Variants in STAG1 observed in about 807,000 individuals in gnomAD.
STAG1 encodes cohesin subunit SA-1.
In STAG1, 26 loss-of-function variants were observed where a neutral mutation model predicts 170.9. That is an observed-to-expected ratio of 0.15 (90% CI 0.11 to 0.21). STAG1 has a LOEUF of 0.21. STAG1 is among the 10% of genes least tolerant of loss of function. The pLI, the probability that STAG1 is intolerant of heterozygous loss-of-function variation, is 1.00. For synonymous variants in STAG1, 514 were observed against 497.7 expected (o/e 1.03, Z -0.44); for missense variants, 964 against 1,509.5 (o/e 0.64, Z 5.99).
At chr3:136,596,890 T>C (rs1938450734) in intron 4 of STAG1, among the ~76,000 whole-genome samples, 1 of 152,086 alleles carries the variant, frequency 6.6e-6, no homozygotes, top group African/African-American at 2.4e-5. Flanking sequence ...TTGGCCAACA[T>C]AGGGAAACCT....
chr3:136,747,092 C>CCAAAA (rs1934972144), intron 1 of STAG1, among the ~76,000 whole-genome samples: 2 of 28,854 alleles, frequency 6.9e-5, no homozygotes, highest in African/African-American at 3.9e-4. Flanking sequence ...GTGAAACTGT[C>CCAAAA]TAAAAAAAAA....
chr3:136,498,284 TACACACACAC>T (rs71157390), intron 9 of STAG1, among the ~76,000 whole-genome samples: 6 of 87,074 alleles, frequency 6.9e-5, no homozygotes, highest in African/African-American at 2.7e-4. Flanking sequence ...CACACACACA[TACACACACAC>T]ACACACACAC....
intron 9 of STAG1, among the ~76,000 whole-genome samples, chr3:136,478,383 T>C (rs1023835590): frequency 6.6e-6 from 1 of 152,196 alleles, no homozygotes; most frequent in Non-Finnish European, 1.5e-5. Context: ...TCTCTGTGAA[T>C]TGTAAACAAA....
chr3:136,704,529 T>C (rs898441576), intron 1 of STAG1, among the ~76,000 whole-genome samples: 5 of 151,966 alleles, frequency 3.3e-5, no homozygotes, highest in South Asian at 2.1e-4. Flanking sequence ...CAAAAGTTGT[T>C]ACAAAAGACA....
At chr3:136,650,468 G>A (rs1426552056) in intron 1 of STAG1, among the ~76,000 whole-genome samples, 5 of 152,058 alleles carry the variant, frequency 3.3e-5, no homozygotes, top group South Asian at 2.1e-4. Context: ...TATTACATAT[G>A]CAATAAAAAC....
At chr3:136,666,106 A>AG (rs1941759043) in intron 1 of STAG1, among the ~76,000 whole-genome samples, 2 of 139,272 alleles carry the variant, frequency 1.4e-5, no homozygotes, top group African/African-American at 2.7e-5. Flanking sequence ...AAAAAAAAAA[A>AG]AAAAAGAAAG....
intron 23 of STAG1, 127 bp downstream of exon 23, chr3:136,377,533 T>G: frequency 1.5e-6 from 1 of 675,822 alleles, no homozygotes; most frequent in Non-Finnish European, 2.5e-6. Context: ...TACAGTCTTG[T>G]TCCAGGTCCA....
chr3:136,372,180 A>T (rs965503505), intron 23 of STAG1, among the ~76,000 whole-genome samples: 1 of 152,200 alleles, frequency 6.6e-6, no homozygotes, highest in Middle Eastern at 3.2e-3. Context: ...AATGCTTGTG[A>T]TGTTTGCACA....
intron 1 of STAG1, among the ~76,000 whole-genome samples, chr3:136,734,855 C>A (rs965629847): frequency 1.3e-5 from 2 of 152,116 alleles, no homozygotes; most frequent in Non-Finnish European, 1.5e-5. Context: ...GGATATCCTG[C>A]CATTCGTGAC....
intron 9 of STAG1, among the ~76,000 whole-genome samples, chr3:136,484,317 G>T (rs1432775708): frequency 2.0e-5 from 3 of 150,898 alleles, no homozygotes; most frequent in Non-Finnish European, 3.0e-5. Context: ...TCAGCTGCAG[G>T]TCTGTTGGAA....
intron 4 of STAG1, among the ~76,000 whole-genome samples, chr3:136,598,513 A>G (rs1427932436): frequency 3.4e-5 from 5 of 147,184 alleles, no homozygotes; most frequent in African/African-American, 7.6e-5. Context: ...TGCAAGCTCC[A>G]CCTCCCGGGT....
In STAG1 at chr3:136,433,444, T is replaced by A. The variant is rs1035305296; in HGVS notation, c.1650+112A>T. 5 of 766,002 alleles carry A rather than the reference T, an allele frequency of 6.5e-6. No individual in the cohort carries two copies. In the African/African-American group the frequency reaches 9.0e-5, roughly 14 times the overall value. 47.5% of individuals were successfully genotyped at this position (766,002 alleles called of 1,614,324 possible). ...AGATGAAGCACCATAGTCCATCATT[T>A]ATAAAAACACCATGTTTTTAGGGAT... On this transcript the variant is annotated intron_variant, in intron 16 of 33. Transcript: ENST00000383202.
At chr3:136,486,510 T>G (rs2090015629) in intron 9 of STAG1, among the ~76,000 whole-genome samples, 2 of 152,218 alleles carry the variant, frequency 1.3e-5, no homozygotes, top group South Asian at 4.1e-4. Flanking sequence ...CTTTCAGTCC[T>G]ACCAAGTAGT....
intron 1 of STAG1, among the ~76,000 whole-genome samples, chr3:136,726,815 C>CT (rs1182491655): frequency 6.6e-6 from 1 of 152,194 alleles, no homozygotes; most frequent in East Asian, 1.9e-4. Context: ...CTAACTATCC[C>CT]AAATACACCC....
intron 23 of STAG1, among the ~76,000 whole-genome samples, chr3:136,371,383 G>T (rs1208499787): frequency 2.0e-5 from 3 of 152,022 alleles, no homozygotes; most frequent in East Asian, 1.9e-4. Context: ...GTCAATTTTG[G>T]CTTTTGTTGC....
intron 32 of STAG1, among the ~76,000 whole-genome samples, chr3:136,340,250 G>C (rs1935913624): frequency 6.6e-6 from 1 of 152,158 alleles, no homozygotes; most frequent in South Asian, 2.1e-4. Context: ...AGCCTCCCAA[G>C]TAGCTGGGAT....
At chr3:136,512,609 T>C (rs185703020) in intron 7 of STAG1, among the ~76,000 whole-genome samples, 21 of 152,188 alleles carry the variant, frequency 1.4e-4, no homozygotes, top group African/African-American at 4.8e-4. Context: ...CCCTGAGTGT[T>C]TCTTCATTCT....
intron 1 of STAG1, among the ~76,000 whole-genome samples, chr3:136,716,619 C>T (rs1054909011): frequency 4.6e-5 from 7 of 152,074 alleles, no homozygotes; most frequent in Middle Eastern, 3.2e-3. Flanking sequence ...GCACTTCAGC[C>T]GGGACAACTA....
chr3:136,736,993 G>C (rs1934378837), intron 1 of STAG1: 2 of 1,593,820 alleles, frequency 1.3e-6, no homozygotes, highest in Non-Finnish European at 1.7e-6. Context: ...ATTTTTGTCA[G>C]GATGCACCAA....
Sources: gnomAD v4.1 joint callset for allele counts (sites outside exome capture counted in the v4.1 genomes callset) on GRCh38, gnomAD v4.1.1 for gene constraint, MANE v1.5 for transcripts, NCBI Gene and HGNC (gene_info 2026-07-23, HGNC 2026-07-21) for gene names.